Variants in ZMIZ1 observed in about 807,000 individuals in gnomAD.
ZMIZ1 encodes the protein zinc finger MIZ domain-containing protein 1.
Under a neutral mutation model 113.9 loss-of-function variants are expected in ZMIZ1, and 17 were observed. The ratio of observed to expected loss-of-function variants is 0.15; its 90% CI spans 0.10 to 0.22. The LOEUF (loss-of-function observed/expected upper bound fraction) is 0.22. Among genes scored for constraint, ZMIZ1 ranks in the 10% least tolerant of loss-of-function variants. The pLI is 1.00. For synonymous variants in ZMIZ1, 607 were observed against 603.1 expected (o/e 1.01, Z -0.09); for missense variants, 1,059 against 1,477.8 (o/e 0.72, Z 4.65).
In ZMIZ1 at chr10:79,277,113, G is replaced by T. The variant is rs889842044; in HGVS notation, c.281-68G>T. 2.6e-6 allele frequency: 3 copies of T among 1,139,514 alleles called. No individual in the cohort carries two copies. The African/African-American group carries it at 5.1e-5, about 20-fold the overall frequency. The allele number at this position is 1,139,514 out of a possible 1,614,324, so 70.6% of individuals were successfully genotyped here. A position where few individuals can be genotyped will look rare whatever the true frequency, so the allele number is the denominator to read the frequency against. On this transcript the variant is annotated intron_variant, in intron 7 of 24. Coordinates refer to ENST00000334512, the MANE Select transcript of ZMIZ1 (RefSeq NM_020338.4). ...GATAGCACCCAGTCTGGGGAGAGTT[G>T]GGGGGGGGTCTTGGTGTGGCAGAGC...
At chr10:79,305,384 G>T in intron 20 of ZMIZ1, 149 bp from the exon 21 acceptor site, 1 of 1,192,390 alleles carries the variant, frequency 8.4e-7, no homozygotes, top group Non-Finnish European at 1.2e-6. Context: ...GTGGTCCCTT[G>T]GTATCACGCG....
At chr10:79,147,668 C>T (rs1331706534) in intron 3 of ZMIZ1, among the ~76,000 whole-genome samples, 3 of 152,184 alleles carry the variant, frequency 2.0e-5, no homozygotes. Flanking sequence ...GTGATCTTGT[C>T]ATGAGCTGGC....
At chr10:79,086,976 A>G (rs77219060) in intron 1 of ZMIZ1, among the ~76,000 whole-genome samples, 6,699 of 152,286 alleles carry the variant, frequency 0.044, 454 homozygotes, top group African/African-American at 0.14. Flanking sequence ...TTCTCATGCC[A>G]AAAAGGCAGG....
At chr10:79,282,138 C>T (rs895166204) in intron 8 of ZMIZ1, among the ~76,000 whole-genome samples, 4 of 152,202 alleles carry the variant, frequency 2.6e-5, no homozygotes, top group Non-Finnish European at 5.9e-5. Context: ...GAAACTGCAA[C>T]GGGGTCCAAC....
intron 6 of ZMIZ1, among the ~76,000 whole-genome samples, chr10:79,211,405 G>A (rs1170207965): frequency 6.6e-6 from 1 of 152,004 alleles, no homozygotes; most frequent in East Asian, 1.9e-4. Flanking sequence ...AGGGACCTAG[G>A]TGGGGCAAGA....
chr10:79,288,358 G>A (rs1166483908), intron 8 of ZMIZ1, among the ~76,000 whole-genome samples: 1 of 152,200 alleles, frequency 6.6e-6, no homozygotes, highest in Non-Finnish European at 1.5e-5. Flanking sequence ...CTGGCTGCTA[G>A]GGTTGGACTG....
intron 1 of ZMIZ1, among the ~76,000 whole-genome samples, chr10:79,084,425 A>G (rs1028474868): frequency 2.6e-5 from 4 of 152,252 alleles, no homozygotes; most frequent in Admixed American, 6.5e-5. Context: ...GTTGGTTACT[A>G]TGGAAACAAG....
chr10:79,190,640 G>C (rs1267528773), intron 4 of ZMIZ1, among the ~76,000 whole-genome samples: 2 of 152,128 alleles, frequency 1.3e-5, no homozygotes, highest in Admixed American at 6.5e-5. Flanking sequence ...GGCTCAGGAG[G>C]AGCAGCCACT....
At chr10:79,072,562 C>T (rs925359638) in intron 1 of ZMIZ1, among the ~76,000 whole-genome samples, 11 of 152,244 alleles carry the variant, frequency 7.2e-5, no homozygotes, top group African/African-American at 1.9e-4. Context: ...GAGGGTCCAA[C>T]GAGTGGCCAT....
At chr10:79,246,849 C>T (rs986126720) in intron 7 of ZMIZ1, among the ~76,000 whole-genome samples, 1 of 152,222 alleles carries the variant, frequency 6.6e-6, no homozygotes, top group Non-Finnish European at 1.5e-5. Context: ...AAGGCCAGCC[C>T]ACTGGCCGGA....
chr10:79,122,162 A>C (rs115863431), intron 2 of ZMIZ1, among the ~76,000 whole-genome samples: 1 of 152,052 alleles, frequency 6.6e-6, no homozygotes, highest in Non-Finnish European at 1.5e-5. Context: ...TGCAGGCGCC[A>C]CCAGTTACTT....
chr10:79,088,347 C>T (rs1842878602), intron 1 of ZMIZ1, among the ~76,000 whole-genome samples: 1 of 152,202 alleles, frequency 6.6e-6, no homozygotes. Flanking sequence ...TGGGCAGGGC[C>T]AGGGGCTGGG....
chr10:79,094,322 T>A (rs891940160), intron 1 of ZMIZ1, among the ~76,000 whole-genome samples: 1 of 151,492 alleles, frequency 6.6e-6, no homozygotes, highest in African/African-American at 2.4e-5. Flanking sequence ...AGGCGGCCTC[T>A]GCTCTCCCTG....
At chr10:79,086,684 A>T (rs1025901996) in intron 1 of ZMIZ1, among the ~76,000 whole-genome samples, 6 of 152,032 alleles carry the variant, frequency 3.9e-5, no homozygotes, top group African/African-American at 7.2e-5. Flanking sequence ...ATTGAAAAAA[A>T]TTTTTTTTGT....
chr10:79,228,349 G>A (rs1241327697), intron 7 of ZMIZ1, among the ~76,000 whole-genome samples: 1 of 152,252 alleles, frequency 6.6e-6, no homozygotes, highest in East Asian at 1.9e-4. Flanking sequence ...GGATGGATGT[G>A]TGGGCCCTTG....
chr10:79,289,502 T>C (rs1387367156), intron 8 of ZMIZ1, among the ~76,000 whole-genome samples: 1 of 152,156 alleles, frequency 6.6e-6, no homozygotes, highest in Non-Finnish European at 1.5e-5. Context: ...GCATGACCTG[T>C]GGACTCGGGG....
At chr10:79,253,019 T>G (rs1181541932) in intron 7 of ZMIZ1, among the ~76,000 whole-genome samples, 1 of 151,776 alleles carries the variant, frequency 6.6e-6, no homozygotes, top group Non-Finnish European at 1.5e-5. Context: ...GTGGGGAAGG[T>G]GAAAAAAGAC....
rs578073124 is a variant in ZMIZ1, at chr10:79,211,730, G to A, written c.174+3281G>A. 1.4e-4 allele frequency among the ~76,000 whole-genome samples: 21 copies of A among 152,262 alleles called. No individual in the cohort carries two copies. In the East Asian group the frequency reaches 3.1e-3, roughly 22 times the overall value. ...ACAGGACCCCCAGGCCCTGCCCCAGGGGCCGGCACAAGCCCCGGGCCACCA... is the reference window on the plus strand; with the variant it reads ...ACAGGACCCCCAGGCCCTGCCCCAGAGGCCGGCACAAGCCCCGGGCCACCA... On this transcript the variant is annotated intron_variant, in intron 6 of 24. Coordinates refer to ENST00000334512, the MANE Select transcript of ZMIZ1 (RefSeq NM_020338.4).
intron 1 of ZMIZ1, among the ~76,000 whole-genome samples, chr10:79,098,084 G>A (rs1363502961): frequency 1.3e-5 from 2 of 152,200 alleles, no homozygotes; most frequent in African/African-American, 4.8e-5. Flanking sequence ...GGGGCTTGGG[G>A]TTGTGGGGAA....
Sources: allele counts gnomAD v4.1 joint callset (sites outside exome capture counted in the v4.1 genomes callset), GRCh38; gene constraint gnomAD v4.1.1; transcripts MANE v1.5; gene names NCBI Gene and HGNC (gene_info 2026-07-23, HGNC 2026-07-21).